The following FBXO32 variants were observed in gnomAD, a reference collection of about 807,000 sequenced individuals.
FBXO32 encodes F-box protein 32.
Under a neutral mutation model 48.3 loss-of-function variants are expected in FBXO32, and 15 were observed. That is an observed-to-expected ratio of 0.31 (90% CI 0.21 to 0.48). The LOEUF (loss-of-function observed/expected upper bound fraction) is 0.48, where lower values mean the gene tolerates loss of function less well. Ranked by LOEUF, FBXO32 falls within the 20% of genes least tolerant of loss-of-function variation. The pLI is 0.99. For synonymous variants in FBXO32, 154 were observed against 165.9 expected (o/e 0.93, Z 0.55); for missense variants, 309 against 432.7 (o/e 0.71, Z 2.54).
intron 1 of FBXO32, among the ~76,000 whole-genome samples, chr8:123,539,644 C>G (rs1180167525): frequency 6.6e-6 from 1 of 152,148 alleles, no homozygotes; most frequent in Admixed American, 6.6e-5. Context: ...GAATTTGATG[C>G]ATTACAAATC....
At position 123,504,950 on chromosome 8, in the gene FBXO32, A is replaced by AAAC. The variant is rs372321127; in HGVS notation, c.835-206_835-204dup. 1.6e-4 allele frequency among the ~76,000 whole-genome samples: 24 copies of AAAC among 148,636 alleles called. No homozygotes were observed. In the South Asian group the frequency reaches 2.3e-3, roughly 14 times the overall value. On this transcript the variant is annotated intron_variant, in intron 7 of 8. Coordinates refer to ENST00000517956, the MANE Select transcript of FBXO32 (RefSeq NM_058229.4). ...ACAGTAGCTTTTAACCAAGCTTAAA[A>AAAC]AACAACAACAACAACAACAAAAAAA...
chr8:123,531,228 C>T (rs62521281), intron 4 of FBXO32, among the ~76,000 whole-genome samples: 70 of 151,074 alleles, frequency 4.6e-4, no homozygotes, highest in Admixed American at 9.2e-4. Flanking sequence ...GTGATCCGCC[C>T]GCTTTGGCCT....
intron 1 of FBXO32, among the ~76,000 whole-genome samples, chr8:123,537,790 G>T (rs1817337487): frequency 6.6e-6 from 1 of 152,152 alleles, no homozygotes; most frequent in African/African-American, 2.4e-5. Flanking sequence ...AGTCACCAAG[G>T]TAAACTTCCT....
At chr8:123,527,151 A>C (rs958245869) in intron 4 of FBXO32, 3 of 152,252 alleles carry the variant, frequency 2.0e-5, no homozygotes, top group African/African-American at 7.2e-5. Flanking sequence ...AACAGGCGGC[A>C]GGCTATTGAC....
intron 8 of FBXO32, 94 bp from the exon 9 acceptor site, chr8:123,503,556 C>A: frequency 2.3e-6 from 2 of 881,732 alleles, no homozygotes; most frequent in Non-Finnish European, 3.6e-6. Flanking sequence ...AGCAACAATT[C>A]TCTGTCAATA....
intron 6 of FBXO32, among the ~76,000 whole-genome samples, chr8:123,507,459 G>GTT (rs751232232): frequency 1.0e-3 from 159 of 151,510 alleles, no homozygotes; most frequent in Non-Finnish European, 1.9e-3. Flanking sequence ...GTGTGTGTGT[G>GTT]TGTGTGTGTG....
chr8:123,514,457 GC>G, intron 4 of FBXO32, 124 bp from the exon 5 acceptor site: 1 of 570,624 alleles, frequency 1.8e-6, no homozygotes, highest in Non-Finnish European at 2.9e-6. Context: ...GGCAGGCAGG[GC>G]CACAATGCAA....
intron 6 of FBXO32, among the ~76,000 whole-genome samples, chr8:123,511,483 T>G (rs1816732845): frequency 6.6e-6 from 1 of 151,416 alleles, no homozygotes; most frequent in Admixed American, 6.6e-5. Flanking sequence ...GTTTTTTGTT[T>G]TTTTTTTTTT....
chr8:123,532,288 A>G (rs997447070), intron 3 of FBXO32: 4 of 822,546 alleles, frequency 4.9e-6, no homozygotes, highest in African/African-American at 1.8e-5. Context: ...TGGAAAAATC[A>G]TAAGTAATTG....
chr8:123,536,121 A>T (rs1817305370), intron 1 of FBXO32, among the ~76,000 whole-genome samples: 1 of 152,126 alleles, frequency 6.6e-6, no homozygotes, highest in Admixed American at 6.5e-5. Flanking sequence ...CCAACAATAT[A>T]CTCAGTGTTG....
At chr8:123,520,279 A>G (rs1351913451) in intron 4 of FBXO32, among the ~76,000 whole-genome samples, 1 of 152,168 alleles carries the variant, frequency 6.6e-6, no homozygotes, top group Non-Finnish European at 1.5e-5. Context: ...ATTTTAGCCC[A>G]GGTGCTAGTA....
chr8:123,524,738 G>A (rs1212144916), intron 4 of FBXO32, among the ~76,000 whole-genome samples: 2 of 152,220 alleles, frequency 1.3e-5, no homozygotes, highest in African/African-American at 4.8e-5. Context: ...GGCTGTTCTC[G>A]AACTCCTGAC....
Position 123,533,242 on chromosome 8 carries a change from TAC to T in FBXO32, c.230-4_230-3del, listed in dbSNP as rs1370782447. ...AGATCCATTTTTCTTGGTGGAAATC[TAC>T]AGAGACAAAAAGAATACACAGCTTT... On this transcript the variant is annotated splice_polypyrimidine_tract_variant and splice_region_variant and intron_variant, in intron 2 of 8. Transcript: ENST00000517956. 3.7e-6 allele frequency: 6 copies of T among 1,609,688 alleles called. No homozygotes were observed.
In FBXO32 at chr8:123,533,238, A is replaced by T; in HGVS notation, c.232T>A (p.Phe78Ile). 1 of 1,611,170 alleles carries T rather than the reference A, an allele frequency of 6.2e-7. No individual in the cohort carries two copies. The change falls in exon 3 of 9, where the codon TTC becomes ATC. Residue 78 changes from phenylalanine (F) to isoleucine (I), a missense_variant and splice_region_variant. Physicochemically the swap from Phe to Ile is conservative, Grantham distance 21 (BLOSUM62 0). Coordinates refer to ENST00000517956, the MANE Select transcript of FBXO32 (RefSeq NM_058229.4). ...ACATAGATCCATTTTTCTTGGTGGA[A>T]ATCTACAGAGACAAAAAGAATACAC... ...MLNSKTKTQY[F>I]HQEKWIYVHK...
At chr8:123,524,767 C>T (rs780009950) in intron 4 of FBXO32, among the ~76,000 whole-genome samples, 3 of 152,204 alleles carry the variant, frequency 2.0e-5, no homozygotes, top group Non-Finnish European at 4.4e-5. Flanking sequence ...ATCCGCCTGC[C>T]GTGGCCTCCC....
intron 4 of FBXO32, among the ~76,000 whole-genome samples, chr8:123,530,314 A>G (rs1817174088): frequency 6.6e-6 from 1 of 152,140 alleles, no homozygotes; most frequent in African/African-American, 2.4e-5. Flanking sequence ...CTTGAATGTC[A>G]TCACCCTGGC....
chr8:123,513,491 C>T lies in FBXO32; in HGVS notation c.467-109G>A. 1 of 928,390 alleles carries T rather than the reference C, an allele frequency of 1.1e-6. No individual in the cohort carries two copies. The highest frequency in any genetic ancestry group is 1.7e-5 in the South Asian group (1 of 58,508). 57.5% of individuals were successfully genotyped at this position (928,390 alleles called of 1,614,324 possible). A position where few individuals can be genotyped will look rare whatever the true frequency, so the allele number is the denominator to read the frequency against. ...TCCACTCATGTTACCCAGGCACTGC[C>T]TCTGGGGATATGGTTTTCTTCCTCA... On this transcript the variant is annotated intron_variant, in intron 5 of 8. Transcript: ENST00000517956. This position sits in a 1 kb window ranked among gnomAD's most constrained non-coding sequence, Gnocchi z 4.3.
chr8:123,503,200 T>C lies in FBXO32; in HGVS notation c.*173A>G, dbSNP rs1816533736. On this transcript the variant is annotated 3_prime_UTR_variant, in exon 9 of 9. Coordinates refer to ENST00000517956, the MANE Select transcript of FBXO32 (RefSeq NM_058229.4). ...TAGTGAGAAGTTCACATTCTTAAAT[T>C]CCCAGTCAGCAACTGCATTTCTCCC... 8.1e-6 allele frequency: 4 copies of C among 496,230 alleles called. No individual in the cohort carries two copies. The East Asian group carries it at 1.3e-4, about 17-fold the overall frequency. The allele number at this position is 496,230 out of a possible 1,614,324, so 30.7% of individuals were successfully genotyped here.
At chr8:123,523,498 G>A (rs1436510837) in intron 4 of FBXO32, among the ~76,000 whole-genome samples, 1 of 152,128 alleles carries the variant, frequency 6.6e-6, no homozygotes, top group Non-Finnish European at 1.5e-5. Flanking sequence ...GCTGAGGCAG[G>A]AGAATCGCTT....
Sources: gnomAD v4.1 joint callset for allele counts (sites outside exome capture counted in the v4.1 genomes callset) on GRCh38, gnomAD v4.1.1 for gene constraint, Gnocchi (gnomAD v3.1) non-coding constraint, MANE v1.5 for transcripts, NCBI Gene and HGNC (gene_info 2026-07-23, HGNC 2026-07-21) for gene names.